Variants in CNTN5 observed in about 807,000 individuals in gnomAD.
CNTN5 encodes the protein contactin 5, also known as contactin-5.
A neutral mutation model predicts 129.1 loss-of-function variants in CNTN5; 77 were observed. That is an observed-to-expected ratio of 0.60 (90% CI 0.50 to 0.72). The LOEUF (loss-of-function observed/expected upper bound fraction) is 0.72. Ranked by LOEUF, CNTN5 falls within the 30% of genes least tolerant of loss-of-function variation. The pLI, the probability that CNTN5 is intolerant of heterozygous loss-of-function variation, is 0.00. For synonymous variants in CNTN5, 509 were observed against 465.6 expected, an observed-to-expected ratio of 1.09 and a Z score of -1.20; for missense variants, 1,478 against 1,328.8, an observed-to-expected ratio of 1.11 and a Z score of -1.75.
intron 3 of CNTN5, among the ~76,000 whole-genome samples, chr11:99,698,912 CATAA>C (rs1427467748): frequency 1.8e-3 from 79 of 44,302 alleles, no homozygotes; most frequent in African/African-American, 5.3e-3. Flanking sequence ...AACACAAAAA[CATAA>C]AAAAAAAAAA....
At chr11:99,667,649 C>A (rs2135936323) in intron 3 of CNTN5, among the ~76,000 whole-genome samples, 1 of 152,272 alleles carries the variant, frequency 6.6e-6, no homozygotes, top group South Asian at 2.1e-4. Context: ...TTTGCTATGT[C>A]ATGGATGAAG....
intron 1 of CNTN5, among the ~76,000 whole-genome samples, chr11:99,299,116 C>T (rs572204652): frequency 6.6e-6 from 1 of 152,034 alleles, no homozygotes; most frequent in Middle Eastern, 3.4e-3. Flanking sequence ...ACAACATAAA[C>T]AAAATACAAG....
At chr11:99,956,364 A>T (rs1565718504) in intron 7 of CNTN5, among the ~76,000 whole-genome samples, 1 of 152,160 alleles carries the variant, frequency 6.6e-6, no homozygotes, top group Non-Finnish European at 1.5e-5. Context: ...CCTTTCTTTG[A>T]TAAGTTTAAT....
chr11:100,040,062 T>C (rs772619253), intron 9 of CNTN5, among the ~76,000 whole-genome samples: 9 of 152,206 alleles, frequency 5.9e-5, no homozygotes, highest in Non-Finnish European at 1.2e-4. Flanking sequence ...TTAGAGTTTC[T>C]GGTTTTTCTG....
intron 7 of CNTN5, among the ~76,000 whole-genome samples, chr11:99,936,989 T>G (rs972213177): frequency 2.0e-5 from 3 of 152,166 alleles, no homozygotes; most frequent in African/African-American, 7.2e-5. Context: ...CAGGGATGAT[T>G]AAGTGTATGT....
chr11:99,506,145 G>T (rs1946608824), intron 2 of CNTN5, among the ~76,000 whole-genome samples: 1 of 152,136 alleles, frequency 6.6e-6, no homozygotes, highest in Admixed American at 6.6e-5. Context: ...TGGACTTTTT[G>T]ATCCATGAAT....
At chr11:99,602,667 G>C (rs1033153657) in intron 3 of CNTN5, among the ~76,000 whole-genome samples, 4 of 151,366 alleles carry the variant, frequency 2.6e-5, no homozygotes, top group African/African-American at 9.8e-5. Context: ...AAAAAAAAAT[G>C]TATCAAAAAT....
chr11:100,257,151 G>A (rs1246002814), intron 17 of CNTN5, among the ~76,000 whole-genome samples: 1 of 152,106 alleles, frequency 6.6e-6, no homozygotes, highest in Non-Finnish European at 1.5e-5. Context: ...TACCCTTATA[G>A]TGTAAACAAA....
intron 6 of CNTN5, among the ~76,000 whole-genome samples, chr11:99,871,295 C>T (rs1251620553): frequency 6.6e-6 from 1 of 151,858 alleles, no homozygotes; most frequent in Admixed American, 6.6e-5. Flanking sequence ...AATCAGAGCT[C>T]TACAATTTTT....
intron 2 of CNTN5, among the ~76,000 whole-genome samples, chr11:99,524,461 CT>C (rs1390558808): frequency 6.6e-6 from 1 of 151,980 alleles, no homozygotes; most frequent in African/African-American, 2.4e-5. Context: ...TCACCAAAGC[CT>C]TTAGTGGTAT....
chr11:99,870,720 T>A (rs1238273549), intron 6 of CNTN5, among the ~76,000 whole-genome samples: 1 of 152,110 alleles, frequency 6.6e-6, no homozygotes. Context: ...GCCTTAGGAA[T>A]TAAAAAGGCA....
intron 1 of CNTN5, among the ~76,000 whole-genome samples, chr11:99,221,486 G>A (rs1436158166): frequency 6.6e-6 from 1 of 151,756 alleles, no homozygotes; most frequent in African/African-American, 2.4e-5. Flanking sequence ...ACCTGGTTTT[G>A]GGTCTCCAGG....
intron 9 of CNTN5, among the ~76,000 whole-genome samples, chr11:100,039,893 A>C (rs1232961394): frequency 1.3e-5 from 2 of 151,814 alleles, no homozygotes; most frequent in Admixed American, 6.6e-5. Flanking sequence ...AAAGCTTTCA[A>C]CTTCTTTGCC....
At chr11:99,558,160 A>AT in intron 3 of CNTN5, 1 of 196,792 alleles carries the variant, frequency 5.1e-6, no homozygotes, top group South Asian at 7.6e-5. Context: ...TAAAAAAGAA[A>AT]TCAAGAGTCT....
intron 2 of CNTN5, among the ~76,000 whole-genome samples, chr11:99,455,021 G>A (rs915950426): frequency 6.6e-6 from 1 of 152,102 alleles, no homozygotes; most frequent in African/African-American, 2.4e-5. Context: ...CTAAACCTTG[G>A]CAAGGGATGA....
chr11:100,284,614 T>C (rs1488999876), intron 18 of CNTN5, among the ~76,000 whole-genome samples: 1 of 152,242 alleles, frequency 6.6e-6, no homozygotes, highest in African/African-American at 2.4e-5. Flanking sequence ...GTCAATTTTG[T>C]CATTTAATTG....
chr11:100,289,285 A>G (rs944822420), intron 18 of CNTN5, among the ~76,000 whole-genome samples: 2 of 152,208 alleles, frequency 1.3e-5, no homozygotes, highest in African/African-American at 4.8e-5. Flanking sequence ...CTGATACCAA[A>G]GCCGGGCAGA....
chr11:99,090,183 T>TA (rs1444426346), intron 1 of CNTN5, among the ~76,000 whole-genome samples: 1 of 152,184 alleles, frequency 6.6e-6, no homozygotes, highest in East Asian at 1.9e-4. Flanking sequence ...GAATATTATG[T>TA]AAAAAGAGAC....
intron 1 of CNTN5, among the ~76,000 whole-genome samples, chr11:99,125,359 A>G (rs1023304814): frequency 3.4e-5 from 5 of 147,816 alleles, no homozygotes; most frequent in African/African-American, 1.2e-4. Flanking sequence ...AAAAAACCAG[A>G]TTATTTCAGT....
Sources: gnomAD v4.1 joint callset for allele counts (sites outside exome capture counted in the v4.1 genomes callset) on GRCh38, gnomAD v4.1.1 for gene constraint, MANE v1.5 for transcripts, NCBI Gene and HGNC (gene_info 2026-07-23, HGNC 2026-07-21) for gene names.